The following RAB38 variants were observed in gnomAD, a reference collection of about 807,000 sequenced individuals.
RAB38 encodes ras-related protein Rab-38.
A neutral mutation model predicts 18.4 loss-of-function variants in RAB38; 15 were observed. The observed-to-expected ratio is 0.82, with a 90% CI of 0.55 to 1.26. RAB38 has a LOEUF of 1.26. RAB38 is among the 50% of genes most tolerant of loss of function. The pLI is 0.00. For synonymous variants in RAB38, 101 were observed against 104.4 expected (o/e 0.97, Z 0.20); for missense variants, 294 against 267.4 (o/e 1.10, Z -0.69).
the RAB38 span, among the ~76,000 whole-genome samples, chr11:88,011,643 A>G: frequency 6.6e-6 from 1 of 152,344 alleles, no homozygotes; most frequent in Non-Finnish European, 1.5e-5. Context: ...TCATCTTGAT[A>G]GTAATAGTTA....
chr11:87,851,081 C>T, the RAB38 span, among the ~76,000 whole-genome samples: 2 of 152,330 alleles, frequency 1.3e-5, no homozygotes, highest in Admixed American at 6.5e-5. Context: ...AATGCTGTCC[C>T]TTGGCCTTCC....
At chr11:88,067,171 A>G in the RAB38 span, among the ~76,000 whole-genome samples, 1 of 152,222 alleles carries the variant, frequency 6.6e-6, no homozygotes, top group African/African-American at 2.4e-5. Flanking sequence ...ACAGGAAATG[A>G]GTTGCATATA....
At chr11:87,876,286 CCTT>C in the RAB38 span, among the ~76,000 whole-genome samples, 1 of 151,452 alleles carries the variant, frequency 6.6e-6, no homozygotes, top group Admixed American at 6.6e-5. Context: ...GAGATAGAAA[CCTT>C]CTCTAGTGGG....
chr11:88,074,397 G>A, the RAB38 span, among the ~76,000 whole-genome samples: 2 of 152,122 alleles, frequency 1.3e-5, no homozygotes, highest in Non-Finnish European at 1.5e-5. Flanking sequence ...GACTAAATAT[G>A]GGGAAATGGA....
At chr11:87,930,170 C>G in the RAB38 span, among the ~76,000 whole-genome samples, 1 of 152,098 alleles carries the variant, frequency 6.6e-6, no homozygotes, top group African/African-American at 2.4e-5. Flanking sequence ...AACTAGTTTA[C>G]AGTCCCACCA....
intron 1 of RAB38, among the ~76,000 whole-genome samples, chr11:88,169,745 T>G (rs1943286130): frequency 1.3e-5 from 2 of 152,182 alleles, no homozygotes; most frequent in Non-Finnish European, 2.9e-5. Flanking sequence ...CTTCCTCAGA[T>G]TTAGTCTCAG....
the RAB38 span, among the ~76,000 whole-genome samples, chr11:88,107,558 TCA>T: frequency 2.3e-3 from 3 of 1,318 alleles, no homozygotes; most frequent in South Asian, 0.091. Flanking sequence ...GTTAATCTTT[TCA>T]AAAAAAAAAA....
At chr11:88,079,157 T>C in the RAB38 span, among the ~76,000 whole-genome samples, 5 of 151,792 alleles carry the variant, frequency 3.3e-5, no homozygotes, top group Non-Finnish European at 5.9e-5. Flanking sequence ...CCAAAACTTC[T>C]TTGAAAATAT....
chr11:87,882,202 C>T, the RAB38 span, among the ~76,000 whole-genome samples: 1 of 151,780 alleles, frequency 6.6e-6, no homozygotes, highest in East Asian at 2.0e-4. Context: ...CATTAATAGG[C>T]CCATCATTAG....
chr11:87,977,598 T>C, the RAB38 span, among the ~76,000 whole-genome samples: 3 of 117,994 alleles, frequency 2.5e-5, no homozygotes, highest in African/African-American at 1.0e-4. Context: ...AATAATTATG[T>C]ACTATACAAT....
the RAB38 span, among the ~76,000 whole-genome samples, chr11:88,089,022 A>T: frequency 1.3e-5 from 2 of 151,986 alleles, no homozygotes; most frequent in African/African-American, 4.8e-5. Context: ...AAGCAGCAAG[A>T]CACAACAACA....
At chr11:87,834,759 G>C in the RAB38 span, among the ~76,000 whole-genome samples, 7 of 152,166 alleles carry the variant, frequency 4.6e-5, no homozygotes, top group Non-Finnish European at 8.8e-5. Flanking sequence ...AGGAGTCATT[G>C]ACATGCAGCA....
At chr11:88,033,136 C>A in the RAB38 span, among the ~76,000 whole-genome samples, 5 of 151,772 alleles carry the variant, frequency 3.3e-5, no homozygotes, top group Non-Finnish European at 7.4e-5. Flanking sequence ...AACAAAAAAC[C>A]AAACACCGCA....
chr11:87,935,234 G>T, the RAB38 span, among the ~76,000 whole-genome samples: 12 of 152,042 alleles, frequency 7.9e-5, no homozygotes, highest in Middle Eastern at 3.4e-3. Flanking sequence ...ATCCTCTTTG[G>T]CCTTATTTTG....
the RAB38 span, among the ~76,000 whole-genome samples, chr11:88,039,122 C>T: frequency 6.6e-6 from 1 of 151,950 alleles, no homozygotes; most frequent in Admixed American, 6.6e-5. Context: ...ATTTGTTTGT[C>T]GTGTTCCTTT....
At chr11:88,140,474 TACTCTCTGCACACA>T (rs1395242929) in intron 2 of RAB38, among the ~76,000 whole-genome samples, 1 of 152,232 alleles carries the variant, frequency 6.6e-6, no homozygotes, top group African/African-American at 2.4e-5. Context: ...AGCAAGTGAT[TACTCTCTGCACACA>T]AGCCATTGTG....
At chr11:88,095,005 C>T in the RAB38 span, among the ~76,000 whole-genome samples, 1 of 151,750 alleles carries the variant, frequency 6.6e-6, no homozygotes, top group East Asian at 1.9e-4. Flanking sequence ...CGCCTATGGC[C>T]AATTCTTCCA....
chr11:87,962,129 C>T, the RAB38 span, among the ~76,000 whole-genome samples: 1 of 152,122 alleles, frequency 6.6e-6, no homozygotes, highest in South Asian at 2.1e-4. Flanking sequence ...TTTATCCTCC[C>T]TTCCTCTCTC....
the RAB38 span, among the ~76,000 whole-genome samples, chr11:87,933,263 T>C: frequency 6.6e-6 from 1 of 152,122 alleles, no homozygotes; most frequent in Non-Finnish European, 1.5e-5. Flanking sequence ...GGCTTTTTGT[T>C]GTTGTTGTTT....
Sources: allele counts gnomAD v4.1 joint callset (sites outside exome capture counted in the v4.1 genomes callset), GRCh38; gene constraint gnomAD v4.1.1; transcripts MANE v1.5; gene names NCBI Gene and HGNC (gene_info 2026-07-23, HGNC 2026-07-21).